The following GLYR1 variants were observed in gnomAD, a reference collection of about 807,000 sequenced individuals.
GLYR1 encodes cytokine-like nuclear factor N-PAC.
Under a neutral mutation model 72.7 loss-of-function variants are expected in GLYR1, and 21 were observed. The observed-to-expected ratio is 0.29, with a 90% CI of 0.20 to 0.42. The LOEUF (loss-of-function observed/expected upper bound fraction) is 0.42. GLYR1 is among the 10% of genes least tolerant of loss of function. The pLI is 1.00. For missense variants in GLYR1, 594 were observed against 712.1 expected, an observed-to-expected ratio of 0.83 and a Z score of 1.89; for synonymous variants, 392 against 270.2, an observed-to-expected ratio of 1.45 and a Z score of -4.42.
chr16:4,804,792 T>G lies in GLYR1; in HGVS notation c.*444A>C, dbSNP rs2082874498. On this transcript the variant is annotated 3_prime_UTR_variant, in exon 16 of 16. Coordinates refer to ENST00000321919, the MANE Select transcript of GLYR1 (RefSeq NM_032569.4). ...GGGGACATGACTACAGCCTCTTCGC[T>G]CTGGGGGAAGCTGTGGGAAGGCTTC... 1 of 200,012 alleles carries G rather than the reference T, an allele frequency of 5.0e-6. No homozygotes were observed. 12.4% of individuals were successfully genotyped at this position (200,012 alleles called of 1,614,324 possible).
chr16:4,837,503 C>T (rs1415173261), intron 3 of GLYR1, among the ~76,000 whole-genome samples: 6 of 151,744 alleles, frequency 4.0e-5, no homozygotes, highest in Non-Finnish European at 7.4e-5. Flanking sequence ...TAATCTTGAA[C>T]GCTGTCACAT....
At chr16:4,841,752 T>A (rs1170303060) in intron 3 of GLYR1, among the ~76,000 whole-genome samples, 2 of 152,188 alleles carry the variant, frequency 1.3e-5, no homozygotes, top group East Asian at 3.8e-4. Context: ...CTTGTGTAAT[T>A]ATTCATTTAG....
At chr16:4,839,803 C>G (rs1376438875) in intron 3 of GLYR1, 5 of 152,178 alleles carry the variant, frequency 3.3e-5, no homozygotes, top group Admixed American at 3.3e-4. Flanking sequence ...TCTTTCTGCT[C>G]TTTAATAAAA....
rs191702017 is a variant in GLYR1, at chr16:4,847,159, G to A, written c.38+69C>T. On this transcript the variant is annotated intron_variant, in intron 1 of 15. Transcript: ENST00000321919. ...GCATAAAAAGGCAGCTCCAGGGCCG[G>A]CAGCGAACCCCGCGCCCAGGCGGGT... The A allele has an allele frequency of 4.0e-4, 575 of 1,452,308 alleles. 1 individual carries two copies. The African/African-American group carries it at 5.3e-3, about 13-fold the overall frequency. 90.0% of individuals were successfully genotyped at this position (1,452,308 alleles called of 1,614,324 possible).
At chr16:4,837,899 C>T (rs1314305844) in intron 3 of GLYR1, among the ~76,000 whole-genome samples, 1 of 151,520 alleles carries the variant, frequency 6.6e-6, no homozygotes, top group Admixed American at 6.6e-5. Flanking sequence ...CCACTGCATT[C>T]CAGCCTGGCG....
intron 5 of GLYR1, among the ~76,000 whole-genome samples, chr16:4,826,215 TTTTTTA>T (rs2084372076): frequency 6.6e-6 from 1 of 152,170 alleles, no homozygotes. Context: ...GCCCAGCTAA[TTTTTTA>T]TTTTTATTTT....
At chr16:4,807,143 G>A (rs1400952253) in intron 15 of GLYR1, among the ~76,000 whole-genome samples, 1 of 125,736 alleles carries the variant, frequency 8.0e-6, no homozygotes, top group African/African-American at 3.1e-5. Context: ...ACGGAGTCTT[G>A]GTCTGTCGCC....
chr16:4,841,076 A>T (rs1322339973), intron 3 of GLYR1, among the ~76,000 whole-genome samples: 1 of 152,226 alleles, frequency 6.6e-6, no homozygotes, highest in Non-Finnish European at 1.5e-5. Context: ...AAAAGTTAAA[A>T]ATATTGCATT....
At chr16:4,817,513 A>G in intron 10 of GLYR1, 85 bp downstream of exon 10, 1 of 801,250 alleles carries the variant, frequency 1.2e-6, no homozygotes, top group Non-Finnish European at 2.2e-6. Flanking sequence ...TGCACGCAGA[A>G]CGCTGAGACA....
intron 15 of GLYR1, among the ~76,000 whole-genome samples, chr16:4,809,725 C>A (rs1171502987): frequency 6.6e-6 from 1 of 151,276 alleles, no homozygotes; most frequent in Admixed American, 6.6e-5. Context: ...GCAGTTCAAG[C>A]CCAGCCTGGC....
At chr16:4,841,457 C>CAAAA (rs1160441336) in intron 3 of GLYR1, among the ~76,000 whole-genome samples, 643 of 31,838 alleles carry the variant, frequency 0.02, 76 homozygotes, top group Non-Finnish European at 0.027. Flanking sequence ...CTTGTCTCTA[C>CAAAA]AAAAAAAAAA....
chr16:4,805,531 T>C (rs1403045897), intron 15 of GLYR1, among the ~76,000 whole-genome samples: 3 of 152,222 alleles, frequency 2.0e-5, no homozygotes, highest in Non-Finnish European at 4.4e-5. Flanking sequence ...CCGGGGGATC[T>C]TGTGAGAATG....
At chr16:4,846,427 C>G (rs1450356472) in intron 1 of GLYR1, among the ~76,000 whole-genome samples, 1 of 152,242 alleles carries the variant, frequency 6.6e-6, no homozygotes, top group Non-Finnish European at 1.5e-5. Context: ...ACAAGGAATA[C>G]AGAACAACAC....
At chr16:4,843,370 G>T in intron 3 of GLYR1, 2 of 719,164 alleles carry the variant, frequency 2.8e-6, no homozygotes, top group Non-Finnish European at 3.7e-6. Flanking sequence ...GGCCAGGATG[G>T]TCTCGAACTC....
At chr16:4,824,185 G>C (rs1490246477) in intron 5 of GLYR1, among the ~76,000 whole-genome samples, 1 of 152,204 alleles carries the variant, frequency 6.6e-6, no homozygotes, top group African/African-American at 2.4e-5. Flanking sequence ...CAAAGTTTCA[G>C]AGTAAATGCC....
Position 4,823,895 on chromosome 16 carries a change from G to A in GLYR1, c.550C>T (p.Pro184Ser), listed in dbSNP as rs746591487. The A allele has an allele frequency of 9.9e-6, 16 of 1,613,840 alleles. No individual in the cohort carries two copies. In the South Asian group the frequency reaches 1.6e-4, roughly 17 times the overall value. The change falls in exon 6 of 16, where the codon CCG becomes TCG. Residue 184 changes from proline (P) to serine (S), a missense_variant. Physicochemically the swap from Pro to Ser is moderately conservative, Grantham distance 74 (BLOSUM62 -1). Coordinates refer to ENST00000321919, the MANE Select transcript of GLYR1 (RefSeq NM_032569.4). ...ATCCCCTTCACGGTACTAGACTCCG[G>A]GATGGTGAGATCCTATAGAGGGAGG... ...PPKDEKDLTIPESSTVKGMMA... is the reference protein window; with the variant it reads ...PPKDEKDLTISESSTVKGMMA...
intron 9 of GLYR1, 101 bp from the exon 10 acceptor site, chr16:4,817,798 T>C (rs971112153): frequency 1.3e-5 from 10 of 768,044 alleles, no homozygotes; most frequent in African/African-American, 3.4e-5. Context: ...CAGCTTGGGG[T>C]AGGGGAATTC....
At chr16:4,814,728 G>T (rs2083524950) in intron 10 of GLYR1, 81 bp from the exon 11 acceptor site, 1 of 1,139,316 alleles carries the variant, frequency 8.8e-7, no homozygotes, top group Non-Finnish European at 1.3e-6. Context: ...TTGCTGACCA[G>T]GCCTCCTGGC....
rs1439354466 is a variant in GLYR1 at position 4,832,078 on chromosome 16, C to T, written c.438G>A (p.Arg146=). The change falls in exon 5 of 16, where the codon AGG becomes AGA. Residue 146 remains arginine (R), a synonymous_variant. Coordinates refer to ENST00000321919, the MANE Select transcript of GLYR1 (RefSeq NM_032569.4). ...CTCTCTCTGAAGAGCCTGAAGACAC[C>T]CTCTTCTTTCCTTCTCCCATGTTCT... The part of the protein sequence containing the change: ...VKKNMGEGKK[R]VSSGSSERGS... 3.7e-6 allele frequency: 6 copies of T among 1,614,154 alleles called. No homozygotes were observed. In the African/African-American group the frequency reaches 6.7e-5, roughly 18 times the overall value.
Sources: allele counts gnomAD v4.1 joint callset (sites outside exome capture counted in the v4.1 genomes callset), GRCh38; gene constraint gnomAD v4.1.1; transcripts MANE v1.5; gene names NCBI Gene and HGNC (gene_info 2026-07-23, HGNC 2026-07-21).